The following CETP variants were observed in gnomAD, a reference collection of about 807,000 sequenced individuals.
The protein encoded by CETP is BPI fold containing family F.
CETP carries 56 observed loss-of-function variants against 66.5 expected under a neutral mutation model. That is an observed-to-expected ratio of 0.84 (90% CI 0.68 to 1.05). The LOEUF is 1.05. CETP is among the 50% of genes least tolerant of loss of function. The pLI is 0.00. For missense variants in CETP, 612 were observed against 609.6 expected (o/e 1.00, Z -0.04); for synonymous variants, 251 against 245.7 (o/e 1.02, Z -0.20).
intron 8 of CETP, 47 bp from the exon 9 acceptor site, chr16:56,973,284 C>T (rs1743502646): frequency 1.2e-6 from 2 of 1,600,764 alleles, no homozygotes; most frequent in African/African-American, 1.3e-5. Flanking sequence ...TGGACCTGAG[C>T]CCAGTAGGGA....
intron 10 of CETP, among the ~76,000 whole-genome samples, chr16:56,976,785 T>C (rs564326240): frequency 6.6e-6 from 1 of 152,338 alleles, no homozygotes; most frequent in East Asian, 1.9e-4. Flanking sequence ...TCCATCTCTT[T>C]TATCTCTATC....
At chr16:56,983,562 G>T (rs289741) in intron 15 of CETP, 30 bp from the exon 16 acceptor site, 1 of 1,613,328 alleles carries the variant, frequency 6.2e-7, no homozygotes. Flanking sequence ...AGCCCAGCTC[G>T]CCCCTCTCTC....
intron 7 of CETP, among the ~76,000 whole-genome samples, chr16:56,971,665 A>T (rs1241533986): frequency 1.3e-5 from 2 of 152,172 alleles, no homozygotes; most frequent in Non-Finnish European, 2.9e-5. Flanking sequence ...GTAGATTAGG[A>T]AAAAAGATAA....
chr16:56,972,091 T>G lies in CETP; in HGVS notation c.750+8T>G. 6.2e-7 allele frequency: 1 copy of G among 1,610,874 alleles called. No homozygotes were observed. Among genetic ancestry groups the G allele is most frequent in the Non-Finnish European group, 8.5e-7 (1 of 1,177,196 alleles). On this transcript the variant is annotated splice_region_variant and intron_variant, in intron 8 of 15. Coordinates refer to ENST00000200676, the MANE Select transcript of CETP (RefSeq NM_000078.3). ...CTGGAGTCCCATCACAAGGTAGGAG[T>G]TGTGGGAGGGTGGGGCAGGGCCCAG...
At chr16:56,982,809 G>C (rs1292314624) in intron 14 of CETP, among the ~76,000 whole-genome samples, 1 of 152,140 alleles carries the variant, frequency 6.6e-6, no homozygotes, top group Non-Finnish European at 1.5e-5. Flanking sequence ...TTGAACATCT[G>C]CTTGTCCACA....
At chr16:56,966,073 A>T (rs1488255463) in intron 2 of CETP, among the ~76,000 whole-genome samples, 1 of 145,386 alleles carries the variant, frequency 6.9e-6, no homozygotes, top group Non-Finnish European at 1.5e-5. Context: ...TTTCTGCCAT[A>T]AAAAAAATCA....
chr16:56,966,930 C>T (rs754177689), intron 2 of CETP, among the ~76,000 whole-genome samples: 17 of 151,928 alleles, frequency 1.1e-4, no homozygotes, highest in African/African-American at 3.6e-4. Flanking sequence ...ACTGTTTTCA[C>T]TTACTCTCTA....
In CETP at chr16:56,971,121, C is replaced by A; in HGVS notation, c.597+19C>A. On this transcript the variant is annotated intron_variant, in intron 6 of 15. Coordinates refer to ENST00000200676, the MANE Select transcript of CETP (RefSeq NM_000078.3). ...GGGACAGGTGAGTGAGGCTGGCTGA[C>A]TCCCTGTGGTCCAGGGCCATGCCCA... The A allele has an allele frequency of 1.2e-6, 2 of 1,612,574 alleles. No homozygotes were observed. Among genetic ancestry groups the A allele is most frequent in the Non-Finnish European group, 8.5e-7 (1 of 1,178,814 alleles).
At chr16:56,973,246 C>T (rs1208327197) in intron 8 of CETP, 85 bp from the exon 9 acceptor site, 29 of 1,418,186 alleles carry the variant, frequency 2.0e-5, no homozygotes, top group East Asian at 1.4e-4. Flanking sequence ...GGGCTGAATG[C>T]TGGGGCTCCT....
intron 2 of CETP, among the ~76,000 whole-genome samples, chr16:56,967,157 G>T (rs902549662): frequency 6.6e-6 from 1 of 151,654 alleles, no homozygotes; most frequent in Non-Finnish European, 1.5e-5. Context: ...AGACCAGCCT[G>T]GCCAACATGG....
chr16:56,969,728 C>T (rs1447817971), intron 4 of CETP, 47 bp downstream of exon 4: 1 of 1,605,422 alleles, frequency 6.2e-7, no homozygotes, highest in South Asian at 1.1e-5. Flanking sequence ...GACTCCAGGG[C>T]TTGGCCTCAG....
intron 2 of CETP, among the ~76,000 whole-genome samples, chr16:56,963,450 A>AT (rs1162769565): frequency 1.3e-5 from 2 of 152,282 alleles, no homozygotes; most frequent in Admixed American, 6.5e-5. Flanking sequence ...CAAAATAAGT[A>AT]TTTTTTAAAA....
chr16:56,980,279 C>T (rs1275106154), intron 11 of CETP, among the ~76,000 whole-genome samples: 2 of 151,958 alleles, frequency 1.3e-5, no homozygotes, highest in African/African-American at 4.8e-5. Context: ...TTGTTTCTGC[C>T]CAGGCTGGAG....
At position 56,983,722 on chromosome 16, in the gene CETP, C is replaced by G; in HGVS notation, c.*56C>G. The stretch of plus-strand genomic sequence containing the variant: ...TAGCAGAAGGCAAGCACCAGGCTCA[C>G]AGCTGGAACCCTGGTGTCTCCTCCA... On this transcript the variant is annotated 3_prime_UTR_variant, in exon 16 of 16. Transcript: ENST00000200676. The G allele has an allele frequency of 1.3e-6, 2 of 1,521,196 alleles. No individual in the cohort carries two copies. Among genetic ancestry groups the G allele is most frequent in the Non-Finnish European group, 1.8e-6 (2 of 1,095,528 alleles). 94.2% of individuals were successfully genotyped at this position (1,521,196 alleles called of 1,614,324 possible).
rs115390156 is a variant in CETP, at chr16:56,980,604, C to A, written c.1147-554C>A. Among the ~76,000 whole-genome samples the A allele has an allele frequency of 3.1e-3, 477 of 152,134 alleles. 3 individuals are homozygous for A. The highest frequency in any genetic ancestry group is 0.01 in the African/African-American group (431 of 41,500). The stretch of plus-strand genomic sequence containing the variant: ...TACTTATTTTTTTGTTGTTAAGAAT[C>A]TGAAACATTGAGCATTTGTTAAAAA... On this transcript the variant is annotated intron_variant, in intron 11 of 15. Coordinates refer to ENST00000200676, the MANE Select transcript of CETP (RefSeq NM_000078.3).
intron 2 of CETP, among the ~76,000 whole-genome samples, chr16:56,968,524 G>A (rs2141996124): frequency 6.6e-6 from 1 of 152,236 alleles, no homozygotes; most frequent in East Asian, 1.9e-4. Context: ...CTCTGGTGGT[G>A]TATTGATACT....
chr16:56,970,991 C>T (rs376863212), intron 5 of CETP, 42 bp from the exon 6 acceptor site: 8 of 1,599,288 alleles, frequency 5.0e-6, no homozygotes, highest in Admixed American at 1.7e-5. Context: ...CATGGATGCA[C>T]AGGACTGGTC....
rs1174090809 is a variant in CETP, at chr16:56,973,585, G to T, written c.930+75G>T. 3.2e-6 allele frequency: 5 copies of T among 1,542,890 alleles called. No individual in the cohort carries two copies. The African/African-American group carries it at 6.8e-5, about 21-fold the overall frequency. On this transcript the variant is annotated intron_variant, in intron 9 of 15. Coordinates refer to ENST00000200676, the MANE Select transcript of CETP (RefSeq NM_000078.3). The stretch of plus-strand genomic sequence containing the variant: ...GTGTGTGTGTGCACACGCATGGGGA[G>T]GAGGGAGGAAACTCGGAAACTTGGT...
At chr16:56,982,320 C>T in intron 14 of CETP, 83 bp downstream of exon 14, 2 of 1,296,110 alleles carry the variant, frequency 1.5e-6, no homozygotes, top group South Asian at 1.2e-5. Context: ...CCAGGCAGAG[C>T]TTCAGGTGCC....
Sources: gnomAD v4.1 joint callset for allele counts (sites outside exome capture counted in the v4.1 genomes callset) on GRCh38, gnomAD v4.1.1 for gene constraint, MANE v1.5 for transcripts, NCBI Gene and HGNC (gene_info 2026-07-23, HGNC 2026-07-21) for gene names.